The following TSPAN7 variants were observed in gnomAD, a reference collection of about 807,000 sequenced individuals.
TSPAN7 encodes the protein tetraspanin 7.
In TSPAN7, 1 loss-of-function variant was observed where a neutral mutation model predicts 17.6. That is an observed-to-expected ratio of 0.06 (90% CI 0.02 to 0.27). TSPAN7 has a LOEUF of 0.27. Ranked by LOEUF, TSPAN7 falls within the 10% of genes least tolerant of loss-of-function variation. The pLI is 1.00. For missense variants in TSPAN7, 112 were observed against 201.7 expected (o/e 0.56, Z 2.69); for synonymous variants, 78 against 79.0 (o/e 0.99, Z 0.07).
At chrX:38,581,396 C>T (rs899612358) in intron 1 of TSPAN7, among the ~76,000 whole-genome samples, 9 of 111,931 alleles carry the variant, frequency 8.0e-5, no homozygotes, top group Admixed American at 3.8e-4. Context: ...ATCTTACATG[C>T]GGCAGGCAAG....
At chrX:38,568,274 T>G (rs980045048) in intron 1 of TSPAN7, among the ~76,000 whole-genome samples, 3 of 108,355 alleles carry the variant, frequency 2.8e-5, no homozygotes, top group Non-Finnish European at 3.8e-5. Flanking sequence ...TTTTGAGATG[T>G]CATGTCTTTC....
chrX:38,663,907 C>T (rs1031873572), intron 1 of TSPAN7, among the ~76,000 whole-genome samples: 5 of 112,428 alleles, frequency 4.4e-5, no homozygotes, highest in African/African-American at 1.3e-4. Flanking sequence ...CCAGCAATAG[C>T]AGTTCACGGA....
At chrX:38,596,724 G>A (rs910762122) in intron 1 of TSPAN7, among the ~76,000 whole-genome samples, 11 of 111,070 alleles carry the variant, frequency 9.9e-5, no homozygotes, top group African/African-American at 3.3e-4. Flanking sequence ...GGGGATTCAC[G>A]GGCACACTAA....
rs747667359 is a variant in TSPAN7, at chrX:38,659,724, T to G, written c.82-6397T>G. On this transcript the variant is annotated intron_variant, in intron 1 of 7. Coordinates refer to ENST00000378482, the MANE Select transcript of TSPAN7 (RefSeq NM_004615.4). Reference sequence around the variant, plus strand: ...GCTGCCAAGTCTGGCCTCGAACTCCTGGGCTCAAGTGATCCTCCTGTCTCA... The same window carrying G: ...GCTGCCAAGTCTGGCCTCGAACTCCGGGGCTCAAGTGATCCTCCTGTCTCA... Among the ~76,000 whole-genome samples, 403 of 108,223 alleles carry G rather than the reference T, an allele frequency of 3.7e-3. 7 individuals carry two copies. Among genetic ancestry groups the G allele is most frequent in the African/African-American group, 0.013 (388 of 29,838 alleles). 94.0% of individuals were successfully genotyped at this position (108,223 alleles called of 115,157 possible).
In TSPAN7 at chrX:38,666,110, C is replaced by A. The variant is rs1267657134; in HGVS notation, c.82-11C>A. 8 of 1,208,384 alleles carry A rather than the reference C, an allele frequency of 6.6e-6. No individual in the cohort carries two copies. Among genetic ancestry groups the A allele is most frequent in the Non-Finnish European group, 8.9e-6 (8 of 894,422 alleles). ...TGGCAATAGCTTCACACTCTCCTCT[C>A]CCTCTTTCAGATCACTGGGGTGATC... On this transcript the variant is annotated splice_polypyrimidine_tract_variant and intron_variant, in intron 1 of 7. Transcript: ENST00000378482.
At chrX:38,659,993 A>ATTT (rs1346514689) in intron 1 of TSPAN7, among the ~76,000 whole-genome samples, 1 of 107,597 alleles carries the variant, frequency 9.3e-6, no homozygotes, top group African/African-American at 3.4e-5. Flanking sequence ...CAGCCGGCTA[A>ATTT]TTTTTGTATT....
At chrX:38,613,447 T>G (rs2069433495) in intron 1 of TSPAN7, among the ~76,000 whole-genome samples, 1 of 112,365 alleles carries the variant, frequency 8.9e-6, no homozygotes, top group African/African-American at 3.2e-5. Context: ...ACTAGAAAGC[T>G]GCTCTGAAGC....
intron 1 of TSPAN7, among the ~76,000 whole-genome samples, chrX:38,574,186 T>C (rs1012119047): frequency 8.9e-6 from 1 of 112,439 alleles, no homozygotes; most frequent in Non-Finnish European, 1.9e-5. Context: ...TAAAATTATT[T>C]GAGCCGATCA....
chrX:38,581,400 A>G (rs1162020778), intron 1 of TSPAN7, among the ~76,000 whole-genome samples: 1 of 112,114 alleles, frequency 8.9e-6, no homozygotes, highest in African/African-American at 3.2e-5. Context: ...TACATGCGGC[A>G]GGCAAGAGAG....
chrX:38,623,821 T>C (rs1379178939), intron 1 of TSPAN7, among the ~76,000 whole-genome samples: 1 of 108,500 alleles, frequency 9.2e-6, no homozygotes, highest in African/African-American at 3.3e-5. Context: ...AAACCAGTTC[T>C]GCCCACAGCT....
intron 1 of TSPAN7, among the ~76,000 whole-genome samples, chrX:38,591,476 G>T (rs992802076): frequency 1.8e-5 from 2 of 111,780 alleles, no homozygotes; most frequent in African/African-American, 6.5e-5. Context: ...TATTCCATTT[G>T]TGCTAGAAAA....
chrX:38,605,691 T>A (rs1236086931), intron 1 of TSPAN7, among the ~76,000 whole-genome samples: 2 of 110,090 alleles, frequency 1.8e-5, no homozygotes, highest in Non-Finnish European at 3.8e-5. Flanking sequence ...CAAAACAGCA[T>A]GGTACTAGTA....
chrX:38,687,746 G>A, intron 7 of TSPAN7, 72 bp downstream of exon 7: 1 of 903,061 alleles, frequency 1.1e-6, no homozygotes, highest in South Asian at 2.6e-5. Context: ...CAAATGTGCA[G>A]GAGTACTCCC....
chrX:38,575,802 T>C (rs1008605579), intron 1 of TSPAN7, among the ~76,000 whole-genome samples: 12 of 112,120 alleles, frequency 1.1e-4, no homozygotes, highest in African/African-American at 3.9e-4. Context: ...TGTAGTGGGA[T>C]AAAAAGCTTG....
chrX:38,564,763 T>C lies in TSPAN7; in HGVS notation c.81+3136T>C, dbSNP rs144927475. Among the ~76,000 whole-genome samples, 1,020 of 112,163 alleles carry C rather than the reference T, an allele frequency of 9.1e-3. 9 individuals are homozygous for C. Among genetic ancestry groups the C allele is most frequent in the African/African-American group, 0.032 (983 of 30,807 alleles). On this transcript the variant is annotated intron_variant, in intron 1 of 7. Coordinates refer to ENST00000378482, the MANE Select transcript of TSPAN7 (RefSeq NM_004615.4). ...GTCTTTTTTATGTGCTTGTTGGTCA[T>C]TTGTGTATCTTTCTTGAAGAAATAT...
intron 1 of TSPAN7, among the ~76,000 whole-genome samples, chrX:38,635,886 G>A (rs929071574): frequency 9.0e-6 from 1 of 111,053 alleles, no homozygotes; most frequent in Non-Finnish European, 1.9e-5. Flanking sequence ...TTCCAGTTGA[G>A]GTAGGCCATG....
intron 2 of TSPAN7, among the ~76,000 whole-genome samples, chrX:38,668,245 C>T (rs1426228757): frequency 8.9e-6 from 1 of 111,928 alleles, no homozygotes; most frequent in African/African-American, 3.3e-5. Context: ...AATACTATGA[C>T]TGGAGAGGGG....
At chrX:38,627,167 G>T (rs140586172) in intron 1 of TSPAN7, among the ~76,000 whole-genome samples, 1 of 112,088 alleles carries the variant, frequency 8.9e-6, no homozygotes, top group African/African-American at 3.2e-5. Context: ...AAGAGGTGCA[G>T]AATTGGGGCA....
intron 1 of TSPAN7, among the ~76,000 whole-genome samples, chrX:38,654,618 A>G (rs2069691575): frequency 8.9e-6 from 1 of 112,183 alleles, no homozygotes; most frequent in African/African-American, 3.2e-5. Flanking sequence ...TCCAAAGCTC[A>G]TACTTACTTA....
Sources: gnomAD v4.1 joint callset for allele counts (sites outside exome capture counted in the v4.1 genomes callset) on GRCh38, gnomAD v4.1.1 for gene constraint, MANE v1.5 for transcripts, NCBI Gene and HGNC (gene_info 2026-07-23, HGNC 2026-07-21) for gene names.